The following NCAPH variants were observed in gnomAD, a reference collection of about 807,000 sequenced individuals.
The protein encoded by NCAPH is condensin complex subunit 2.
A neutral mutation model predicts 85.5 loss-of-function variants in NCAPH; 38 were observed. That is an observed-to-expected ratio of 0.44 (90% CI 0.34 to 0.58). The LOEUF is 0.58. NCAPH is among the 20% of genes least tolerant of loss of function. The probability of loss-of-function intolerance (pLI) is 0.01; values close to 1 mark genes in which losing one functional copy is unlikely to be tolerated. For missense variants in NCAPH, 789 were observed against 916.6 expected (o/e 0.86, Z 1.80); for synonymous variants, 301 against 335.1 (o/e 0.90, Z 1.11).
rs1441647136 is a variant in NCAPH, at chr2:96,376,733, C to T, written c.*3382C>T. On this transcript the variant is annotated 3_prime_UTR_variant, in exon 18 of 18. Coordinates refer to ENST00000240423, the MANE Select transcript of NCAPH (RefSeq NM_015341.5). ...GTGGCTGAAGCCAAGCTGCTCAGCA[C>T]TGAGGCAGCAAGCCATGATCTAGGT... 2.0e-5 allele frequency among the ~76,000 whole-genome samples: 3 copies of T among 152,182 alleles called. No homozygotes were observed. Among genetic ancestry groups the T allele is most frequent in the East Asian group, 1.9e-4 (1 of 5,204 alleles).
In NCAPH at chr2:96,336,844, T is replaced by C. The variant is rs542170570; in HGVS notation, c.19+996T>C. Among the ~76,000 whole-genome samples the C allele has an allele frequency of 8.5e-5, 13 of 152,324 alleles. No individual in the cohort carries two copies. The South Asian group carries it at 2.7e-3, about 32-fold the overall frequency. ...GCCCTGCACATCTAGGACCAACGTT[T>C]AGAAGCTGGATAGAGAAGGATGAGC... On this transcript the variant is annotated intron_variant, in intron 1 of 17. Coordinates refer to ENST00000240423, the MANE Select transcript of NCAPH (RefSeq NM_015341.5).
At chr2:96,360,474 GAGACTGATGGT>G in intron 11 of NCAPH, 103 bp from the exon 12 acceptor site, 1 of 1,240,878 alleles carries the variant, frequency 8.1e-7, no homozygotes, top group Non-Finnish European at 1.1e-6. Flanking sequence ...ATAGAACTGT[GAGACTGATGGT>G]AGACTCATGC....
chr2:96,353,944 T>C (rs545380893), intron 8 of NCAPH, among the ~76,000 whole-genome samples: 6 of 152,340 alleles, frequency 3.9e-5, no homozygotes, highest in Non-Finnish European at 5.9e-5. Context: ...TTTCATGTTT[T>C]ACAAAATGTG....
intron 1 of NCAPH, among the ~76,000 whole-genome samples, chr2:96,339,635 C>T (rs1032696715): frequency 2.6e-5 from 4 of 151,414 alleles, no homozygotes; most frequent in East Asian, 1.9e-4. Context: ...ACCTTGTCAT[C>T]GTTTGCTGTC....
intron 9 of NCAPH, among the ~76,000 whole-genome samples, chr2:96,358,682 G>A (rs183529337): frequency 0.026 from 3,976 of 152,184 alleles, 90 homozygotes; most frequent in African/African-American, 0.045. Flanking sequence ...GTTAGCCAGG[G>A]TGGTCTCGAT....
chr2:96,341,110 A>G (rs1171412864), intron 1 of NCAPH, among the ~76,000 whole-genome samples: 1 of 152,184 alleles, frequency 6.6e-6, no homozygotes, highest in Non-Finnish European at 1.5e-5. Context: ...ATTGTAAAAG[A>G]CATTTTTCCT....
chr2:96,371,909 C>T (rs1408675427), intron 17 of NCAPH, among the ~76,000 whole-genome samples: 2 of 152,236 alleles, frequency 1.3e-5, no homozygotes, highest in African/African-American at 2.4e-5. Context: ...ACAGTCTCCC[C>T]TCACATAGCC....
Position 96,375,867 on chromosome 2 carries a change from G to T in NCAPH, c.*2516G>T, listed in dbSNP as rs979539176. Among the ~76,000 whole-genome samples, 1 of 152,086 alleles carries T rather than the reference G, an allele frequency of 6.6e-6. No individual in the cohort carries two copies. ...AGGACTGGGGGAAAAGAGAACTGCT[G>T]CTCCCTGTTAAATCAGTTTCCTGGG... is the stretch of plus-strand genomic sequence containing the variant. On this transcript the variant is annotated 3_prime_UTR_variant, in exon 18 of 18. Transcript: ENST00000240423.
At chr2:96,361,183 G>C (rs2064603686) in intron 12 of NCAPH, among the ~76,000 whole-genome samples, 2 of 151,252 alleles carry the variant, frequency 1.3e-5, no homozygotes, top group African/African-American at 4.9e-5. Flanking sequence ...CAAGTAACTG[G>C]GATTACAGGT....
rs767426602 is a variant in NCAPH, at chr2:96,376,564, G to A, written c.*3213G>A. 2.0e-4 allele frequency among the ~76,000 whole-genome samples: 30 copies of A among 152,230 alleles called. No homozygotes were observed. Among genetic ancestry groups the A allele is most frequent in the Non-Finnish European group, 3.7e-4 (25 of 68,042 alleles). Reference sequence around the variant, plus strand: ...TTGGTGCCCTAGAAATTCTGCTGTGGTGCAACTATAGTGGATCACAGGCAG... The same window carrying A: ...TTGGTGCCCTAGAAATTCTGCTGTGATGCAACTATAGTGGATCACAGGCAG... On this transcript the variant is annotated 3_prime_UTR_variant, in exon 18 of 18. Coordinates refer to ENST00000240423, the MANE Select transcript of NCAPH (RefSeq NM_015341.5).
chr2:96,365,484 A>T (rs1650248494), intron 13 of NCAPH, among the ~76,000 whole-genome samples: 1 of 151,868 alleles, frequency 6.6e-6, no homozygotes, highest in African/African-American at 2.4e-5. Flanking sequence ...TCTGGGTGGT[A>T]TGCCTGCTAC....
chr2:96,352,102 A>G (rs2064452568), intron 7 of NCAPH, 82 bp downstream of exon 7: 4 of 1,347,190 alleles, frequency 3.0e-6, no homozygotes, highest in Non-Finnish European at 4.1e-6. Context: ...CAATAAGCCC[A>G]TCATGCTCTT....
In NCAPH at chr2:96,341,854, A is replaced by C. The variant is rs532691268; in HGVS notation, c.232A>C (p.Ser78Arg). 25 of 1,612,998 alleles carry C rather than the reference A, an allele frequency of 1.5e-5. No homozygotes were observed. The South Asian group carries it at 2.6e-4, about 17-fold the overall frequency. The change falls in exon 2 of 18, where the codon AGC becomes CGC. Residue 78 changes from serine (S) to arginine (R), a missense_variant. Physicochemically the swap from Ser to Arg is moderately radical, Grantham distance 110 (BLOSUM62 -1). Coordinates refer to ENST00000240423, the MANE Select transcript of NCAPH (RefSeq NM_015341.5). Reference sequence around the variant, plus strand: ...CTCGAGGGTCTTTGATCTGCAGTTCAGCACTGACTCACCTCGCTTATTGGC... The same window carrying C: ...CTCGAGGGTCTTTGATCTGCAGTTCCGCACTGACTCACCTCGCTTATTGGC... The part of the protein sequence containing the change: ...RRSRVFDLQF[S>R]TDSPRLLASP...
At chr2:96,347,247 A>G (rs1014816122) in intron 6 of NCAPH, among the ~76,000 whole-genome samples, 3 of 149,760 alleles carry the variant, frequency 2.0e-5, no homozygotes, top group Non-Finnish European at 4.4e-5. Context: ...GGCTGGCACC[A>G]TGTCTCAATT....
Position 96,352,207 on chromosome 2 carries a change from C to T in NCAPH, c.910+187C>T, listed in dbSNP as rs182345544. 1.5e-4 allele frequency among the ~76,000 whole-genome samples: 23 copies of T among 152,234 alleles called. No homozygotes were observed. The East Asian group carries it at 2.9e-3, about 19-fold the overall frequency. ...AACCCACTAACTTTTGTCTTCTCTGCGGCGTGGAGTCTAAAACGGTAAACC... is the reference window on the plus strand; with the variant it reads ...AACCCACTAACTTTTGTCTTCTCTGTGGCGTGGAGTCTAAAACGGTAAACC... On this transcript the variant is annotated intron_variant, in intron 7 of 17. Transcript: ENST00000240423.
chr2:96,346,452 T>C lies in NCAPH; in HGVS notation c.720+2223T>C, dbSNP rs1002978881. ...GTGAATAGCTGTGTGGGTACAATCA[T>C]GGAGTAGGCAGAAAGTTGGGTTTAA... On this transcript the variant is annotated intron_variant, in intron 6 of 17. Transcript: ENST00000240423. Among the ~76,000 whole-genome samples, 18 of 152,178 alleles carry C rather than the reference T, an allele frequency of 1.2e-4. No individual in the cohort carries two copies. In the South Asian group the frequency reaches 3.5e-3, roughly 30 times the overall value.
At chr2:96,362,281 CA>C (rs775578362) in intron 12 of NCAPH, among the ~76,000 whole-genome samples, 13 of 151,362 alleles carry the variant, frequency 8.6e-5, no homozygotes, top group Admixed American at 5.3e-4. Context: ...TCAACATTAA[CA>C]GGAGTTTGGA....
intron 17 of NCAPH, among the ~76,000 whole-genome samples, chr2:96,372,429 G>A (rs965019525): frequency 1.3e-5 from 2 of 152,120 alleles, no homozygotes; most frequent in African/African-American, 4.8e-5. Flanking sequence ...TAATATAGTA[G>A]CCCCCTGTTT....
chr2:96,370,708 T>C (rs2064761026), intron 17 of NCAPH, among the ~76,000 whole-genome samples: 2 of 152,152 alleles, frequency 1.3e-5, no homozygotes, highest in South Asian at 4.2e-4. Context: ...GGAGCAGGTG[T>C]AGAAGAGCCA....
Sources: allele counts gnomAD v4.1 joint callset (sites outside exome capture counted in the v4.1 genomes callset), GRCh38; gene constraint gnomAD v4.1.1; transcripts MANE v1.5; gene names NCBI Gene and HGNC (gene_info 2026-07-23, HGNC 2026-07-21).